AFAP1L1: variants seen among roughly 807,000 people sequenced by gnomAD.
AFAP1L1 encodes the protein actin filament-associated protein 1-like 1.
Under a neutral mutation model 99.8 loss-of-function variants are expected in AFAP1L1, and 77 were observed. The observed-to-expected ratio is 0.77, with a 90% confidence interval of 0.64 to 0.93. AFAP1L1 has a LOEUF of 0.93. Ranked by LOEUF, AFAP1L1 falls within the 40% of genes least tolerant of loss-of-function variation. AFAP1L1 has a pLI of 0.00. For synonymous variants in AFAP1L1, 373 were observed against 395.3 expected (o/e 0.94, Z 0.67); for missense variants, 893 against 996.8 (o/e 0.90, Z 1.40).
At chr5:149,303,340 C>T (rs1057189786) in intron 5 of AFAP1L1, among the ~76,000 whole-genome samples, 5 of 152,142 alleles carry the variant, frequency 3.3e-5, no homozygotes, top group African/African-American at 9.7e-5. Flanking sequence ...GTCTTTTCAT[C>T]GGCTTCCTCC....
At chr5:149,318,876 T>C (rs949564481) in intron 12 of AFAP1L1, among the ~76,000 whole-genome samples, 11 of 152,234 alleles carry the variant, frequency 7.2e-5, no homozygotes, top group Admixed American at 6.5e-5. Flanking sequence ...TGTCCTAGAA[T>C]CTGACCTCTT....
At chr5:149,285,427 C>T (rs1161759828) in intron 1 of AFAP1L1, among the ~76,000 whole-genome samples, 2 of 152,214 alleles carry the variant, frequency 1.3e-5, no homozygotes, top group African/African-American at 2.4e-5. Flanking sequence ...TTCTTCTTGC[C>T]ACAACCCTTT....
At chr5:149,304,961 G>T (rs924055086) in intron 5 of AFAP1L1, among the ~76,000 whole-genome samples, 1 of 1,554 alleles carries the variant, frequency 6.4e-4, no homozygotes, top group South Asian at 0.25. Flanking sequence ...AAGGCTTCCT[G>T]GAGGGGGATG....
Position 149,329,847 on chromosome 5 carries a change from G to A in AFAP1L1, c.1975+17G>A, listed in dbSNP as rs376670194. ...GCAGCCCAGGTACCTATGTGGGTGT[G>A]GTCCTGAGCACCTATGGGTGGCCAG... On this transcript the variant is annotated intron_variant, in intron 16 of 18. Coordinates refer to ENST00000296721, the MANE Select transcript of AFAP1L1 (RefSeq NM_152406.4). 1.0e-5 allele frequency: 16 copies of A among 1,591,722 alleles called. No homozygotes were observed. Among genetic ancestry groups the A allele is most frequent in the Non-Finnish European group, 1.3e-5 (15 of 1,169,888 alleles).
chr5:149,329,933 G>A (rs1757209471), intron 16 of AFAP1L1, 103 bp downstream of exon 16: 2 of 1,122,182 alleles, frequency 1.8e-6, no homozygotes, highest in African/African-American at 3.2e-5. Context: ...TCTTACCCAA[G>A]AGAAGTGGGC....
intron 1 of AFAP1L1, among the ~76,000 whole-genome samples, chr5:149,273,007 A>G (rs994572052): frequency 1.1e-4 from 17 of 151,976 alleles, no homozygotes; most frequent in African/African-American, 3.9e-4. Context: ...CCGGCAGCGC[A>G]CATTTTAAGT....
Position 149,329,714 on chromosome 5 carries a change from G to A in AFAP1L1, c.1859G>A (p.Arg620Gln), listed in dbSNP as rs754437444. Residue 620 changes from arginine to glutamine, a missense_variant, in exon 16 of 19, where the codon CGG (arginine) becomes CAG (glutamine). Arg to Gln is a conservative substitution (Grantham distance 43). Coordinates refer to ENST00000296721, the MANE Select transcript of AFAP1L1 (RefSeq NM_152406.4). ...AAGAACCGAGCCGAGGAGGATGCCC[G>A]GAGGTACTTGGTAGAAAAAGAGAAG... is the stretch of plus-strand genomic sequence containing the variant. ...YGKNRAEEDARRYLVEKEKLE... is the reference protein window; with the variant it reads ...YGKNRAEEDAQRYLVEKEKLE... 9.3e-6 allele frequency: 15 copies of A among 1,613,936 alleles called. No homozygotes were observed. The Admixed American group carries it at 1.5e-4, about 16-fold the overall frequency.
Position 149,317,722 on chromosome 5 carries a change from C to A in AFAP1L1, c.1268-7C>A, listed in dbSNP as rs759583855. The A allele has an allele frequency of 5.0e-6, 8 of 1,613,552 alleles. No individual in the cohort carries two copies. The highest frequency in any genetic ancestry group is 6.8e-6 in the Non-Finnish European group (8 of 1,179,818). On this transcript the variant is annotated splice_polypyrimidine_tract_variant and splice_region_variant and intron_variant, in intron 11 of 18. Transcript: ENST00000296721. The stretch of plus-strand genomic sequence containing the variant: ...CTATGGGAACCTCACACCATTGTCT[C>A]CTCCAGGCTACCTGAACGTGCTGGT...
At chr5:149,337,194 G>C (rs758825959) in intron 18 of AFAP1L1, among the ~76,000 whole-genome samples, 4 of 152,160 alleles carry the variant, frequency 2.6e-5, no homozygotes, top group Non-Finnish European at 5.9e-5. Flanking sequence ...CAAAGTTTCA[G>C]TTTTAAGAAG....
intron 9 of AFAP1L1, among the ~76,000 whole-genome samples, chr5:149,313,068 G>A (rs1046210864): frequency 1.3e-5 from 2 of 151,860 alleles, no homozygotes; most frequent in Non-Finnish European, 2.9e-5. Flanking sequence ...AGAGGTTGTG[G>A]TGAGCCGAGA....
chr5:149,307,373 T>C (rs1756449953), intron 6 of AFAP1L1, 29 bp from the exon 7 acceptor site: 2 of 1,612,090 alleles, frequency 1.2e-6, no homozygotes, highest in Admixed American at 3.3e-5. Flanking sequence ...GATGGCACAG[T>C]GATGGATCCT....
chr5:149,278,210 C>A (rs1755400008), intron 1 of AFAP1L1, among the ~76,000 whole-genome samples: 1 of 152,162 alleles, frequency 6.6e-6, no homozygotes, highest in African/African-American at 2.4e-5. Flanking sequence ...GTGTGCAACA[C>A]CCCCACCAAA....
chr5:149,337,607 G>T (rs1017926996), intron 18 of AFAP1L1, among the ~76,000 whole-genome samples: 20 of 152,270 alleles, frequency 1.3e-4, no homozygotes, highest in Middle Eastern at 6.8e-3. Context: ...CAGCGGAGAA[G>T]ACTGAAGTTT....
intron 15 of AFAP1L1, among the ~76,000 whole-genome samples, chr5:149,327,326 C>A (rs563370947): frequency 2.0e-5 from 3 of 152,130 alleles, no homozygotes; most frequent in Non-Finnish European, 2.9e-5. Context: ...CTATAACAAA[C>A]TTCCATAAGC....
intron 15 of AFAP1L1, among the ~76,000 whole-genome samples, chr5:149,327,161 C>A (rs1757119828): frequency 7.2e-6 from 1 of 138,920 alleles, no homozygotes; most frequent in Non-Finnish European, 1.6e-5. Flanking sequence ...TCAAAGCAGC[C>A]ATTATAAATA....
intron 1 of AFAP1L1, among the ~76,000 whole-genome samples, chr5:149,277,420 C>G (rs925375479): frequency 1.1e-4 from 17 of 152,124 alleles, no homozygotes; most frequent in Non-Finnish European, 2.2e-4. Flanking sequence ...CCATGTCTTC[C>G]CTACAGTGTC....
Position 149,299,597 on chromosome 5 carries a change from G to A in AFAP1L1, c.105G>A (p.Met35Ile). 6.2e-7 allele frequency: 1 copy of A among 1,614,156 alleles called. No individual in the cohort carries two copies. The highest frequency in any genetic ancestry group is 8.5e-7 in the Non-Finnish European group (1 of 1,180,006). The change falls in exon 2 of 19, where the codon ATG (methionine) becomes ATA (isoleucine). Residue 35 changes from methionine to isoleucine, a missense_variant. Physicochemically the swap from Met to Ile is conservative, Grantham distance 10. Coordinates refer to ENST00000296721, the MANE Select transcript of AFAP1L1 (RefSeq NM_152406.4). ...YLSDTTLEKKMAVASILQSLQ... is the reference protein window; with the variant it reads ...YLSDTTLEKKIAVASILQSLQ... ...GCGATACCACCCTGGAAAAGAAGAT[G>A]GCCGTGGCCTCCATCCTGCAGAGCC...
intron 4 of AFAP1L1, 55 bp downstream of exon 4, chr5:149,301,285 CA>C (rs1489427526): frequency 1.3e-6 from 2 of 1,551,392 alleles, no homozygotes; most frequent in African/African-American, 2.7e-5. Flanking sequence ...CTGGAGGAGG[CA>C]AGGGAAGCTC....
chr5:149,314,389 C>T (rs1476093057), intron 9 of AFAP1L1, among the ~76,000 whole-genome samples: 1 of 152,104 alleles, frequency 6.6e-6, no homozygotes, highest in Non-Finnish European at 1.5e-5. Context: ...TTTCCTGTGG[C>T]TGAGCATCCA....
Sources: allele counts gnomAD v4.1 joint callset (sites outside exome capture counted in the v4.1 genomes callset), GRCh38; gene constraint gnomAD v4.1.1; transcripts MANE v1.5; gene names NCBI Gene and HGNC (gene_info 2026-07-23, HGNC 2026-07-21).